The following GON4L variants were observed in gnomAD, a reference collection of about 807,000 sequenced individuals.
The protein encoded by GON4L is gon-4 like.
In GON4L, 87 loss-of-function variants were observed where a neutral mutation model predicts 211.8. The ratio of observed to expected loss-of-function variants is 0.41; its 90% CI spans 0.35 to 0.49. The LOEUF (loss-of-function observed/expected upper bound fraction) is 0.49, where lower values mean the gene tolerates loss of function less well. Ranked by LOEUF, GON4L falls within the 20% of genes least tolerant of loss-of-function variation. The probability of loss-of-function intolerance (pLI) is 0.15; values close to 1 mark genes in which losing one functional copy is unlikely to be tolerated. For synonymous variants in GON4L, 875 were observed against 962.6 expected, an observed-to-expected ratio of 0.91 and a Z score of 1.68; for missense variants, 2,155 against 2,659.5, an observed-to-expected ratio of 0.81 and a Z score of 4.17.
Position 155,752,558 on chromosome 1 carries a change from G to A in GON4L, c.5875C>T (p.Pro1959Ser), listed in dbSNP as rs1314167961. The A allele has an allele frequency of 1.3e-6, 2 of 1,597,164 alleles. No individual in the cohort carries two copies. The highest frequency in any genetic ancestry group is 1.7e-6 in the Non-Finnish European group (2 of 1,171,634). ...CGTTCTGTAACAGTCACTTCTCGAG[G>A]GGATGGCAAAGTGCTCCCCACTGCC... The part of the protein sequence containing the change: ...GLAVGSTLPS[P>S]REVTVTERLL... Residue 1959 changes from proline to serine, a missense_variant, in exon 30 of 32, where the codon CCT becomes TCT. Coordinates refer to ENST00000368331, the MANE Select transcript of GON4L (RefSeq NM_001282860.2).
chr1:155,756,571 G>C, intron 27 of GON4L: 1 of 206,326 alleles, frequency 4.8e-6, no homozygotes, highest in Non-Finnish European at 9.9e-6. Context: ...AATGTTCAGT[G>C]AGAAAACGCA....
At chr1:155,783,929 C>A (rs2101900271) in intron 14 of GON4L, 57 bp downstream of exon 14, 1 of 1,606,184 alleles carries the variant, frequency 6.2e-7, no homozygotes, top group Admixed American at 1.7e-5. Context: ...TTCTGAAAAC[C>A]TTTTCAGAAA....
intron 2 of GON4L, among the ~76,000 whole-genome samples, chr1:155,835,220 GA>G (rs1487539932): frequency 6.6e-6 from 1 of 152,062 alleles, no homozygotes; most frequent in Non-Finnish European, 1.5e-5. Context: ...GGGTTAAATG[GA>G]TTAAGGGCGG....
intron 2 of GON4L, among the ~76,000 whole-genome samples, chr1:155,832,544 CAGG>C (rs1372262036): frequency 6.6e-6 from 1 of 152,022 alleles, no homozygotes; most frequent in African/African-American, 2.4e-5. Flanking sequence ...GAGGCTGAGG[CAGG>C]AGAATTGCTT....
intron 2 of GON4L, among the ~76,000 whole-genome samples, chr1:155,843,316 C>A (rs1670947803): frequency 6.6e-6 from 1 of 152,106 alleles, no homozygotes; most frequent in Non-Finnish European, 1.5e-5. Context: ...GTCATCAGCA[C>A]CCTCAGGATA....
At chr1:155,852,908 T>A (rs956228236) in intron 2 of GON4L, among the ~76,000 whole-genome samples, 15 of 151,966 alleles carry the variant, frequency 9.9e-5, no homozygotes, top group Non-Finnish European at 2.9e-5. Flanking sequence ...AGGTCAGGAG[T>A]TCGAGACCAG....
chr1:155,816,935 C>T (rs1224658363), intron 6 of GON4L, among the ~76,000 whole-genome samples: 1 of 152,026 alleles, frequency 6.6e-6, no homozygotes, highest in Admixed American at 6.6e-5. Context: ...TTGTAACAAT[C>T]TTTCAACTTT....
intron 29 of GON4L, among the ~76,000 whole-genome samples, chr1:155,752,924 A>T (rs1660760273): frequency 6.6e-6 from 1 of 152,216 alleles, no homozygotes; most frequent in South Asian, 2.1e-4. Context: ...TAGGATGTAG[A>T]TTACACTAGA....
At chr1:155,783,373 C>G (rs191628094) in intron 14 of GON4L, among the ~76,000 whole-genome samples, 2 of 152,308 alleles carry the variant, frequency 1.3e-5, no homozygotes, top group East Asian at 3.9e-4. Flanking sequence ...AAACTGCATC[C>G]TGACATCTAG....
At chr1:155,834,559 G>C (rs1157136909) in intron 2 of GON4L, among the ~76,000 whole-genome samples, 6 of 152,056 alleles carry the variant, frequency 3.9e-5, no homozygotes, top group Non-Finnish European at 7.4e-5. Flanking sequence ...TGTTTTCCAA[G>C]CACTGTTCGA....
At position 155,766,244 on chromosome 1, in the gene GON4L, G is replaced by A; in HGVS notation, c.3229C>T (p.Pro1077Ser). Residue 1077 changes from proline to serine, a missense_variant, in exon 21 of 32, where the codon CCT becomes TCT. Around this residue, in one of 6 missense-constraint regions of GON4L, gnomAD observed 615 missense variants for 625.7 expected, o/e 0.98. Coordinates refer to ENST00000368331, the MANE Select transcript of GON4L (RefSeq NM_001282860.2). ...AGAGGGAAGCTTGTCCTGGCCTCAG[G>A]GGGCACAGCAGGCAGTGCTGCAGGA... ...ESPAALPAVP[P>S]EARTSFPLSE... 4 of 1,614,100 alleles carry A rather than the reference G, an allele frequency of 2.5e-6. No homozygotes were observed. Among genetic ancestry groups the A allele is most frequent in the Non-Finnish European group, 3.4e-6 (4 of 1,180,026 alleles).
In GON4L at chr1:155,776,921, G is replaced by A. The variant is rs376110105; in HGVS notation, c.2092-440C>T. 2.0e-5 allele frequency among the ~76,000 whole-genome samples: 3 copies of A among 152,234 alleles called. No individual in the cohort carries two copies. The South Asian group carries it at 6.2e-4, about 32-fold the overall frequency. On this transcript the variant is annotated intron_variant, in intron 15 of 31. Coordinates refer to ENST00000368331, the MANE Select transcript of GON4L (RefSeq NM_001282860.2). ...ATATTTTGCTTTCTGAAAGGAGTAT[G>A]AAAATAACATAGGATCTTGGCATAA...
chr1:155,796,422 T>A (rs1483742582), intron 11 of GON4L, among the ~76,000 whole-genome samples: 2 of 151,870 alleles, frequency 1.3e-5, no homozygotes, highest in African/African-American at 4.8e-5. Context: ...AGATTACAGA[T>A]GCCCACCACC....
rs1660811829 is a variant in GON4L at position 155,753,292 on chromosome 1, T to C, written c.5754A>G (p.Glu1918=). 3 of 1,613,546 alleles carry C rather than the reference T, an allele frequency of 1.9e-6. No homozygotes were observed. The highest frequency in any genetic ancestry group is 8.5e-7 in the Non-Finnish European group (1 of 1,179,776). ...TCTCCCGCTCCTCTGGGGCTTCCTC[T>C]TCCATCATATCCTTGCCCTGCCCAG... ...KEAGQGKDMM[E]EEAPEEREST... is the part of the protein sequence containing the mutation. Residue 1918 remains glutamate, a synonymous_variant, in exon 29 of 32, where the codon GAA becomes GAG. Transcript: ENST00000368331.
chr1:155,822,516 G>T (rs1243171347), intron 3 of GON4L, 40 bp from the exon 4 acceptor site: 1 of 1,492,332 alleles, frequency 6.7e-7, no homozygotes, highest in Admixed American at 1.7e-5. Flanking sequence ...TTCCAAAATA[G>T]CTGCTCCAGG....
intron 13 of GON4L, 109 bp downstream of exon 13, chr1:155,785,225 G>T (rs1664822872): frequency 1.2e-6 from 1 of 805,368 alleles, no homozygotes. Context: ...AGGAGAATTG[G>T]TTCAGTCAGA....
At chr1:155,745,410 C>G (rs555984487), downstream of GON4L, among the ~76,000 whole-genome samples, 229 of 152,314 alleles carry the variant, frequency 1.5e-3, 1 homozygote, top group African/African-American at 4.6e-3. Flanking sequence ...GAGGCTTTAG[C>G]GGAGCTTCCG....
At chr1:155,826,674 G>A (rs1243190532) in intron 3 of GON4L, among the ~76,000 whole-genome samples, 163 bp downstream of exon 3, 2 of 152,106 alleles carry the variant, frequency 1.3e-5, no homozygotes, top group Non-Finnish European at 2.9e-5. Context: ...GGACTTCTGG[G>A]TATTGATAAC....
chr1:155,784,430 G>GGCTGGAGT, intron 13 of GON4L: 1 of 248,644 alleles, frequency 4.0e-6, no homozygotes, highest in South Asian at 3.8e-5. Context: ...CTATTGCCCA[G>GGCTGGAGT]GCTGGAGTGC....
Sources: gnomAD v4.1 joint callset for allele counts (sites outside exome capture counted in the v4.1 genomes callset) on GRCh38, gnomAD v4.1.1 for gene constraint, gnomAD v4.1.1 regional missense constraint, MANE v1.5 for transcripts, NCBI Gene and HGNC (gene_info 2026-07-23, HGNC 2026-07-21) for gene names.